The following ADARB2 variants were observed in gnomAD, a reference collection of about 807,000 sequenced individuals.
The protein encoded by ADARB2 is inactive double-stranded RNA-specific editase B2.
A neutral mutation model predicts 62.2 loss-of-function variants in ADARB2; 25 were observed. That is an observed-to-expected ratio of 0.40 (90% CI 0.29 to 0.56). The LOEUF (loss-of-function observed/expected upper bound fraction) is 0.56, where lower values mean the gene tolerates loss of function less well. Ranked by LOEUF, ADARB2 falls within the 20% of genes least tolerant of loss-of-function variation. The probability of loss-of-function intolerance (pLI) is 0.43; values close to 1 mark genes in which losing one functional copy is unlikely to be tolerated. For synonymous variants in ADARB2, 572 were observed against 500.8 expected, an observed-to-expected ratio of 1.14 and a Z score of -1.90; for missense variants, 1,071 against 1,077.4, an observed-to-expected ratio of 0.99 and a Z score of 0.08.
intron 1 of ADARB2, among the ~76,000 whole-genome samples, chr10:1,481,658 A>G (rs1194420318): frequency 6.6e-6 from 1 of 152,114 alleles, no homozygotes; most frequent in African/African-American, 2.4e-5. Flanking sequence ...GGAGTTCAAG[A>G]CCAGCCTGGC....
At chr10:1,344,708 G>C (rs1222449547) in intron 3 of ADARB2, among the ~76,000 whole-genome samples, 1 of 152,188 alleles carries the variant, frequency 6.6e-6, no homozygotes, top group Non-Finnish European at 1.5e-5. Flanking sequence ...GAAAGCCGTG[G>C]ACATGGCTGT....
chr10:1,388,606 A>C (rs955700328), intron 1 of ADARB2, among the ~76,000 whole-genome samples: 2 of 152,174 alleles, frequency 1.3e-5, no homozygotes, highest in African/African-American at 4.8e-5. Flanking sequence ...ATTAATAAAC[A>C]ATACTGTTTG....
intron 1 of ADARB2, among the ~76,000 whole-genome samples, chr10:1,556,050 T>G (rs757667413): frequency 1.7e-4 from 26 of 152,250 alleles, no homozygotes; most frequent in Non-Finnish European, 2.9e-4. Flanking sequence ...TTTCATATAT[T>G]CTGAATTATC....
chr10:1,219,638 T>C (rs1044979618), intron 6 of ADARB2, among the ~76,000 whole-genome samples: 3 of 152,266 alleles, frequency 2.0e-5, no homozygotes, highest in Non-Finnish European at 2.9e-5. Context: ...ACAAATCTCT[T>C]CTTTGCAGCT....
intron 1 of ADARB2, among the ~76,000 whole-genome samples, chr10:1,695,557 G>A (rs1834728053): frequency 6.6e-6 from 1 of 152,180 alleles, no homozygotes; most frequent in Admixed American, 6.5e-5. Flanking sequence ...GAGGCAAAGG[G>A]CAGGAGCAAA....
intron 1 of ADARB2, among the ~76,000 whole-genome samples, chr10:1,602,365 C>T (rs1434470408): frequency 1.3e-5 from 2 of 152,176 alleles, no homozygotes; most frequent in Non-Finnish European, 2.9e-5. Flanking sequence ...GCGTCTCCCT[C>T]CCCACATCAG....
chr10:1,689,468 A>T (rs976944884), intron 1 of ADARB2, among the ~76,000 whole-genome samples: 5 of 152,116 alleles, frequency 3.3e-5, no homozygotes, highest in African/African-American at 1.2e-4. Flanking sequence ...AAGTTCAATA[A>T]TGTCTGTGTG....
rs111779088 is a variant in ADARB2, at chr10:1,326,789, C to A, written c.1077+36239G>T. Among the ~76,000 whole-genome samples the A allele has an allele frequency of 7.7e-4, 40 of 51,760 alleles. 2 individuals are homozygous for A. Among genetic ancestry groups the A allele is most frequent in the East Asian group, 4.2e-3 (6 of 1,426 alleles). The allele number at this position is 51,760 out of a possible 152,430, so 34.0% of individuals were successfully genotyped here. On this transcript the variant is annotated intron_variant, in intron 3 of 9. Transcript: ENST00000381312. ...TGGTAGCACAGCCCCTCCTCACTGC[C>A]CAGCGCCTCCCCACGGCCCAGCGCC...
intron 8 of ADARB2, among the ~76,000 whole-genome samples, chr10:1,191,889 CA>C (rs1836850116): frequency 6.6e-6 from 1 of 152,174 alleles, no homozygotes; most frequent in Non-Finnish European, 1.5e-5. Flanking sequence ...GACATACTGG[CA>C]GTGTGGCTTC....
intron 1 of ADARB2, among the ~76,000 whole-genome samples, chr10:1,720,557 T>C (rs1835077783): frequency 6.6e-6 from 1 of 151,978 alleles, no homozygotes; most frequent in South Asian, 2.1e-4. Context: ...TGGAAAAAAA[T>C]AGGTTAACTT....
At chr10:1,569,901 T>C (rs897711887) in intron 1 of ADARB2, among the ~76,000 whole-genome samples, 5 of 152,318 alleles carry the variant, frequency 3.3e-5, no homozygotes, top group African/African-American at 1.2e-4. Context: ...CCTTGGGACA[T>C]TGACAATTAT....
chr10:1,207,400 G>A (rs1020381373), intron 7 of ADARB2, among the ~76,000 whole-genome samples: 1 of 152,156 alleles, frequency 6.6e-6, no homozygotes, highest in African/African-American at 2.4e-5. Context: ...AAACCAGACT[G>A]GGGGAACTTG....
chr10:1,631,180 G>T (rs1021191868), intron 1 of ADARB2, among the ~76,000 whole-genome samples: 3 of 152,100 alleles, frequency 2.0e-5, no homozygotes, highest in Admixed American at 6.5e-5. Context: ...GTGCCTCCAC[G>T]TGGGGTCCCG....
intron 1 of ADARB2, among the ~76,000 whole-genome samples, chr10:1,628,031 C>T (rs1387295099): frequency 6.6e-6 from 1 of 152,248 alleles, no homozygotes; most frequent in Admixed American, 6.5e-5. Context: ...TGGGCTTTCG[C>T]CCATCCCTCT....
chr10:1,330,977 A>G (rs1564259648), intron 3 of ADARB2, among the ~76,000 whole-genome samples: 1 of 152,250 alleles, frequency 6.6e-6, no homozygotes. Context: ...ATTAGAATAC[A>G]TATTTCTCCA....
intron 1 of ADARB2, among the ~76,000 whole-genome samples, chr10:1,420,985 C>T (rs1832847819): frequency 6.6e-6 from 1 of 152,122 alleles, no homozygotes; most frequent in South Asian, 2.1e-4. Context: ...TCTCTCTGCT[C>T]TCACAGGGTG....
At chr10:1,413,540 C>T (rs893935260) in intron 1 of ADARB2, among the ~76,000 whole-genome samples, 2 of 152,174 alleles carry the variant, frequency 1.3e-5, no homozygotes, top group Non-Finnish European at 2.9e-5. Context: ...CGTGCACCTG[C>T]TCGGGTCTAA....
intron 1 of ADARB2, among the ~76,000 whole-genome samples, chr10:1,684,069 G>A (rs539396013): frequency 3.3e-5 from 5 of 152,344 alleles, no homozygotes; most frequent in South Asian, 2.1e-4. Context: ...AGTGAAGTGC[G>A]TTTCAAAAGC....
At position 1,526,941 on chromosome 10, in the gene ADARB2, A is replaced by G. The variant is rs1020394273; in HGVS notation, c.101-147781T>C. 7.8e-6 allele frequency: 3 copies of G among 383,662 alleles called. No homozygotes were observed. In the Admixed American group the frequency reaches 8.8e-5, roughly 11 times the overall value. The allele number at this position is 383,662 out of a possible 1,614,324, so 23.8% of individuals were successfully genotyped here. A position where few individuals can be genotyped will look rare whatever the true frequency, so the allele number is the denominator to read the frequency against. On this transcript the variant is annotated intron_variant, in intron 1 of 9. Coordinates refer to ENST00000381312, the MANE Select transcript of ADARB2 (RefSeq NM_018702.4). ...AAACATCCCCTGCATCTTAATTTGCATTTGTTAATAATTATGTGAAATAGA... is the reference window on the plus strand; with the variant it reads ...AAACATCCCCTGCATCTTAATTTGCGTTTGTTAATAATTATGTGAAATAGA...
Sources: allele counts gnomAD v4.1 joint callset (sites outside exome capture counted in the v4.1 genomes callset), GRCh38; gene constraint gnomAD v4.1.1; transcripts MANE v1.5; gene names NCBI Gene and HGNC (gene_info 2026-07-23, HGNC 2026-07-21).